Variants in CSMD1 observed in about 807,000 individuals in gnomAD.
The protein encoded by CSMD1 is CUB and sushi domain-containing protein 1.
Under a neutral mutation model 417.5 loss-of-function variants are expected in CSMD1, and 213 were observed. That is an observed-to-expected ratio of 0.51 (90% CI 0.46 to 0.57). CSMD1 has a LOEUF of 0.57. CSMD1 is among the 20% of genes least tolerant of loss of function. CSMD1 has a pLI of 0.00. For missense variants in CSMD1, 6,923 were observed against 4,529.7 expected (o/e 1.53, Z -15.17); for synonymous variants, 2,862 against 1,736.8 (o/e 1.65, Z -16.11).
intron 3 of CSMD1, among the ~76,000 whole-genome samples, chr8:4,393,439 G>A (rs982623527): frequency 1.3e-5 from 2 of 152,150 alleles, no homozygotes; most frequent in African/African-American, 4.8e-5. Flanking sequence ...AACCCAAAAT[G>A]CAGTTTTATG....
chr8:4,052,790 C>T (rs1020956389), intron 3 of CSMD1, among the ~76,000 whole-genome samples: 16 of 152,214 alleles, frequency 1.1e-4, no homozygotes, highest in African/African-American at 3.9e-4. Flanking sequence ...CATCCTGGAA[C>T]CCACTTCCAG....
intron 2 of CSMD1, among the ~76,000 whole-genome samples, chr8:4,476,056 G>C (rs1455026174): frequency 2.0e-5 from 3 of 151,874 alleles, no homozygotes; most frequent in Non-Finnish European, 2.9e-5. Flanking sequence ...TTCTGGTTAA[G>C]ACAGTGTGAT....
chr8:3,501,193 A>G (rs1022297843), intron 10 of CSMD1, among the ~76,000 whole-genome samples: 3 of 152,178 alleles, frequency 2.0e-5, no homozygotes, highest in Admixed American at 1.3e-4. Context: ...GAATCCAAAT[A>G]TATCAACTGA....
intron 7 of CSMD1, among the ~76,000 whole-genome samples, chr8:3,674,899 T>C (rs183855073): frequency 1.5e-3 from 222 of 152,300 alleles, no homozygotes; most frequent in Non-Finnish European, 7.2e-4. Flanking sequence ...CTTGTTTATA[T>C]CCTGGAAGAT....
At position 4,804,260 on chromosome 8, in the gene CSMD1, G is replaced by A. The variant is rs182198070; in HGVS notation, c.86-166702C>T. On this transcript the variant is annotated intron_variant, in intron 1 of 69. Coordinates refer to ENST00000635120, the MANE Select transcript of CSMD1 (RefSeq NM_033225.6). ...ACCTTCTAAAGCTCCAGGAAAATAA[G>A]CCTCTAATTATTGAAGCTGGAAAAC... Among the ~76,000 whole-genome samples the A allele has an allele frequency of 3.4e-3, 521 of 152,206 alleles. 3 individuals carry two copies. Among genetic ancestry groups the A allele is most frequent in the African/African-American group, 0.012 (493 of 41,522 alleles).
chr8:4,225,850 GAA>G (rs1563301992), intron 3 of CSMD1, among the ~76,000 whole-genome samples: 1 of 152,096 alleles, frequency 6.6e-6, no homozygotes, highest in African/African-American at 2.4e-5. Flanking sequence ...CAGCCTAAAT[GAA>G]AGTTTTAACT....
At chr8:3,401,583 A>C (rs914834514) in intron 15 of CSMD1, among the ~76,000 whole-genome samples, 1 of 152,178 alleles carries the variant, frequency 6.6e-6, no homozygotes, top group African/African-American at 2.4e-5. Context: ...ATTAGATTAC[A>C]CTGCCGTAAC....
chr8:3,648,375 T>C (rs895562263), intron 7 of CSMD1, among the ~76,000 whole-genome samples: 1 of 152,194 alleles, frequency 6.6e-6, no homozygotes, highest in Non-Finnish European at 1.5e-5. Flanking sequence ...ATTTTCAAAT[T>C]AAGACTTTGT....
intron 25 of CSMD1, among the ~76,000 whole-genome samples, chr8:3,290,209 A>G (rs560607268): frequency 2.0e-5 from 3 of 147,452 alleles, no homozygotes; most frequent in East Asian, 3.9e-4. Flanking sequence ...TACCAGTACC[A>G]TGCTGTTTTG....
chr8:4,110,280 G>C (rs1300220805), intron 3 of CSMD1, among the ~76,000 whole-genome samples: 1 of 152,124 alleles, frequency 6.6e-6, no homozygotes, highest in Non-Finnish European at 1.5e-5. Context: ...TATACTGTGA[G>C]AAGCAATTTT....
At chr8:3,445,513 G>C (rs768462988) in intron 12 of CSMD1, among the ~76,000 whole-genome samples, 64 of 152,144 alleles carry the variant, frequency 4.2e-4, no homozygotes, top group Non-Finnish European at 1.5e-4. Flanking sequence ...GCTGCAATGT[G>C]CACAACTCTT....
chr8:3,122,811 G>A (rs1269152588), intron 41 of CSMD1, among the ~76,000 whole-genome samples: 1 of 152,090 alleles, frequency 6.6e-6, no homozygotes, highest in Non-Finnish European at 1.5e-5. Context: ...CCAGTCTTGG[G>A]TAGGTCTTTA....
chr8:4,446,837 G>A (rs186579815), intron 2 of CSMD1, among the ~76,000 whole-genome samples: 8 of 150,760 alleles, frequency 5.3e-5, no homozygotes, highest in African/African-American at 1.7e-4. Flanking sequence ...TGGCCAGACT[G>A]GTCTTGAACT....
intron 1 of CSMD1, among the ~76,000 whole-genome samples, chr8:4,639,249 C>CT (rs1273907500): frequency 8.0e-5 from 8 of 100,058 alleles, no homozygotes; most frequent in Non-Finnish European, 1.3e-4. Context: ...CTGTGGTTGT[C>CT]AATTTTTTTT....
intron 3 of CSMD1, among the ~76,000 whole-genome samples, chr8:4,252,945 T>G (rs1171668371): frequency 6.6e-6 from 1 of 152,174 alleles, no homozygotes; most frequent in Non-Finnish European, 1.5e-5. Context: ...ACACACCAAC[T>G]TTTAGACTGC....
intron 7 of CSMD1, among the ~76,000 whole-genome samples, chr8:3,686,554 C>T (rs1187509128): frequency 3.9e-5 from 6 of 152,126 alleles, no homozygotes; most frequent in Admixed American, 6.5e-5. Flanking sequence ...ATAGAATTCC[C>T]ATACGAAATA....
At chr8:3,928,195 T>A (rs1168784398) in intron 5 of CSMD1, among the ~76,000 whole-genome samples, 3 of 152,192 alleles carry the variant, frequency 2.0e-5, no homozygotes, top group Non-Finnish European at 4.4e-5. Flanking sequence ...ATGAGAATGA[T>A]GTTAATGTAA....
intron 25 of CSMD1, among the ~76,000 whole-genome samples, chr8:3,300,720 G>A (rs1804325962): frequency 6.6e-6 from 1 of 152,072 alleles, no homozygotes; most frequent in African/African-American, 2.4e-5. Context: ...GCTTTGGGAG[G>A]ACGAGGCGGG....
chr8:3,738,968 T>G lies in CSMD1; in HGVS notation c.931+14962A>C, dbSNP rs560280991. Among the ~76,000 whole-genome samples, 12 of 152,366 alleles carry G rather than the reference T, an allele frequency of 7.9e-5. No individual in the cohort carries two copies. The East Asian group carries it at 2.3e-3, about 29-fold the overall frequency. ...TATTTGTATGCACAAAAAGGTGTGTTCAAACTTTAGACATGATCTATTCAG... is the reference window on the plus strand; with the variant it reads ...TATTTGTATGCACAAAAAGGTGTGTGCAAACTTTAGACATGATCTATTCAG... On this transcript the variant is annotated intron_variant, in intron 6 of 69. Transcript: ENST00000635120.
Sources: gnomAD v4.1 joint callset for allele counts (sites outside exome capture counted in the v4.1 genomes callset) on GRCh38, gnomAD v4.1.1 for gene constraint, MANE v1.5 for transcripts, NCBI Gene and HGNC (gene_info 2026-07-23, HGNC 2026-07-21) for gene names.